FRMD5: variants seen among roughly 807,000 people sequenced by gnomAD.
FRMD5 encodes FERM domain-containing protein 5.
FRMD5 carries 20 observed loss-of-function variants against 69.0 expected under a neutral mutation model. The ratio of observed to expected loss-of-function variants is 0.29; its 90% CI spans 0.20 to 0.42. The LOEUF is 0.42. Ranked by LOEUF, FRMD5 falls within the 10% of genes least tolerant of loss-of-function variation. FRMD5 has a pLI of 1.00. For missense variants in FRMD5, 595 were observed against 708.6 expected, an observed-to-expected ratio of 0.84 and a Z score of 1.82; for synonymous variants, 271 against 260.1, an observed-to-expected ratio of 1.04 and a Z score of -0.40.
At chr15:43,905,298 G>A (rs915343936) in intron 6 of FRMD5, among the ~76,000 whole-genome samples, 1 of 151,904 alleles carries the variant, frequency 6.6e-6, no homozygotes, top group Non-Finnish European at 1.5e-5. Flanking sequence ...CATCATGCCT[G>A]GCTAATTTTT....
Position 44,005,381 on chromosome 15 carries a change from G to C in FRMD5, c.103-81072C>G, listed in dbSNP as rs959262957. On this transcript the variant is annotated intron_variant, in intron 1 of 13. Coordinates refer to ENST00000417257, the MANE Select transcript of FRMD5 (RefSeq NM_032892.5). ...AGCTACTCGGGATGCTGAGGCAGGA[G>C]AATCACTTGAACCCGGTAGGTGGAG... is the stretch of plus-strand genomic sequence containing the variant. 2.7e-5 allele frequency among the ~76,000 whole-genome samples: 4 copies of C among 145,882 alleles called. No homozygotes were observed. The South Asian group carries it at 8.7e-4, about 32-fold the overall frequency.
chr15:44,047,341 G>A (rs115908145), intron 1 of FRMD5, among the ~76,000 whole-genome samples: 1,949 of 151,896 alleles, frequency 0.013, 38 homozygotes, highest in African/African-American at 0.04. Context: ...GGGAAAGGAG[G>A]GGAGAGGGAA....
At chr15:44,019,737 CAAAAAAAAAAA>C (rs1189890743) in intron 1 of FRMD5, among the ~76,000 whole-genome samples, 1 of 23,520 alleles carries the variant, frequency 4.3e-5, no homozygotes, top group Non-Finnish European at 9.4e-5. Flanking sequence ...GAGTCTGTCT[CAAAAAAAAAAA>C]AAAAAAAAAA....
chr15:43,901,965 T>C, intron 7 of FRMD5: 1 of 540,368 alleles, frequency 1.9e-6, no homozygotes, highest in Admixed American at 3.5e-5. Context: ...TGACTTTGCC[T>C]CGGTTCCTCT....
rs763523581 is a variant in FRMD5, at chr15:43,884,798, G to GT, written c.960-4dup. The GT allele has an allele frequency of 1.9e-6, 3 of 1,613,576 alleles. No homozygotes were observed. Among genetic ancestry groups the GT allele is most frequent in the African/African-American group, 1.3e-5 (1 of 75,048 alleles). On this transcript the variant is annotated splice_region_variant and splice_polypyrimidine_tract_variant and intron_variant, in intron 11 of 13. Coordinates refer to ENST00000417257, the MANE Select transcript of FRMD5 (RefSeq NM_032892.5). ...TGACTTCCTTTGCAACTCGGCCACT[G>GT]TAAGTAGTGTAATAAAAACAAGCAG...
chr15:44,106,302 GTTTCCC>G, intron 1 of FRMD5, among the ~76,000 whole-genome samples: 1 of 152,180 alleles, frequency 6.6e-6, no homozygotes, highest in East Asian at 1.9e-4. Flanking sequence ...TAAATGTGGG[GTTTCCC>G]TTTAAGGATA....
chr15:43,961,947 C>A (rs2090208933), intron 1 of FRMD5, among the ~76,000 whole-genome samples: 1 of 152,180 alleles, frequency 6.6e-6, no homozygotes, highest in Non-Finnish European at 1.5e-5. Context: ...CAGCCAATAT[C>A]ATACTGAATG....
At chr15:44,074,555 G>A (rs1160332972) in intron 1 of FRMD5, among the ~76,000 whole-genome samples, 3 of 151,624 alleles carry the variant, frequency 2.0e-5, no homozygotes, top group Non-Finnish European at 4.4e-5. Flanking sequence ...CCAGGCTGGA[G>A]TGCAGTGGCA....
At chr15:44,016,314 G>A (rs940644977) in intron 1 of FRMD5, among the ~76,000 whole-genome samples, 3 of 152,158 alleles carry the variant, frequency 2.0e-5, no homozygotes, top group African/African-American at 7.2e-5. Flanking sequence ...AACCATCAGA[G>A]TCCTTATAAG....
chr15:44,056,598 A>G (rs1316411872), intron 1 of FRMD5, among the ~76,000 whole-genome samples: 1 of 152,218 alleles, frequency 6.6e-6, no homozygotes, highest in Non-Finnish European at 1.5e-5. Flanking sequence ...AATAGTCTAA[A>G]GAGTGTCAGC....
intron 1 of FRMD5, chr15:44,063,420 T>G (rs1893176341): frequency 5.4e-6 from 1 of 185,978 alleles, no homozygotes; most frequent in African/African-American, 2.4e-5. Flanking sequence ...AAACAATTTT[T>G]CAAATAAATA....
At chr15:44,180,864 T>C (rs1275508782) in intron 1 of FRMD5, among the ~76,000 whole-genome samples, 1 of 152,196 alleles carries the variant, frequency 6.6e-6, no homozygotes, top group Non-Finnish European at 1.5e-5. Flanking sequence ...TTGATAATTA[T>C]ATAGGATTAT....
chr15:43,905,926 C>T lies in FRMD5; in HGVS notation c.453G>A (p.Gly151=). ...TGGAGCTGTAGCCTTCAGGGTGTTT[C>T]CCTGAGTCATAATCCCCAATCTCCG... ...LQAEIGDYDS[G]KHPEGYSSKF... The change falls in exon 6 of 14, where the codon GGG becomes GGA. Residue 151 remains glycine, a synonymous_variant. Transcript: ENST00000417257. 6.2e-7 allele frequency: 1 copy of T among 1,614,184 alleles called. No homozygotes were observed. The highest frequency in any genetic ancestry group is 8.5e-7 in the Non-Finnish European group (1 of 1,180,018).
chr15:44,183,087 T>C (rs2078037336), intron 1 of FRMD5, among the ~76,000 whole-genome samples: 2 of 152,144 alleles, frequency 1.3e-5, no homozygotes, highest in Admixed American at 6.6e-5. Context: ...CGTTAGCCAC[T>C]GTTCTGGCAA....
intron 13 of FRMD5, chr15:43,876,225 C>G (rs1206751027): frequency 1.3e-6 from 2 of 1,577,068 alleles, no homozygotes; most frequent in African/African-American, 2.7e-5. Context: ...TCCAGAACCA[C>G]TTTTTCCTTT....
intron 1 of FRMD5, among the ~76,000 whole-genome samples, chr15:43,967,482 C>T (rs28628709): frequency 0.016 from 2,384 of 152,180 alleles, 69 homozygotes; most frequent in African/African-American, 0.055. Flanking sequence ...CTGCCCACCT[C>T]GACCTCCCAA....
chr15:44,192,211 C>G (rs2078208741), intron 1 of FRMD5, among the ~76,000 whole-genome samples: 1 of 151,988 alleles, frequency 6.6e-6, no homozygotes, highest in African/African-American at 2.4e-5. Flanking sequence ...TAATTACATC[C>G]TAAATGCCAG....
At chr15:44,032,637 C>T (rs1176100571) in intron 1 of FRMD5, among the ~76,000 whole-genome samples, 1 of 152,164 alleles carries the variant, frequency 6.6e-6, no homozygotes, top group Non-Finnish European at 1.5e-5. Context: ...AAATGCAAAT[C>T]AGAACCACAA....
intron 1 of FRMD5, among the ~76,000 whole-genome samples, chr15:43,984,149 A>G (rs562097821): frequency 2.0e-5 from 3 of 152,298 alleles, no homozygotes; most frequent in African/African-American, 7.2e-5. Flanking sequence ...CTTACACAAC[A>G]TATCAAAGGG....
Sources: allele counts gnomAD v4.1 joint callset (sites outside exome capture counted in the v4.1 genomes callset), GRCh38; gene constraint gnomAD v4.1.1; transcripts MANE v1.5; gene names NCBI Gene and HGNC (gene_info 2026-07-23, HGNC 2026-07-21).